The following IQCJ variants were observed in gnomAD, a reference collection of about 807,000 sequenced individuals.
IQCJ encodes the protein IQ domain-containing protein J.
In IQCJ, 9 loss-of-function variants were observed where a neutral mutation model predicts 11.0. The observed-to-expected ratio is 0.82, with a 90% confidence interval of 0.49 to 1.43. The LOEUF (loss-of-function observed/expected upper bound fraction) is 1.43, where lower values mean the gene tolerates loss of function less well. Ranked by LOEUF, IQCJ falls within the 40% of genes most tolerant of loss-of-function variation. The probability of loss-of-function intolerance (pLI) is 0.00; values close to 1 mark genes in which losing one functional copy is unlikely to be tolerated. For missense variants in IQCJ, 146 were observed against 133.2 expected (o/e 1.10, Z -0.47); for synonymous variants, 55 against 51.3 (o/e 1.07, Z -0.31).
chr3:159,107,089 A>C (rs1016722399), intron 1 of IQCJ, among the ~76,000 whole-genome samples: 1 of 152,008 alleles, frequency 6.6e-6, no homozygotes, highest in Admixed American at 6.6e-5. Flanking sequence ...TTTCTTTCTC[A>C]AGTAAAACTC....
intron 1 of IQCJ, among the ~76,000 whole-genome samples, chr3:159,087,012 G>C (rs1290203351): frequency 2.0e-5 from 3 of 152,200 alleles, no homozygotes; most frequent in Non-Finnish European, 2.9e-5. Context: ...CACAGGGAAT[G>C]CTTCCAGGTT....
At chr3:159,209,290 G>A (rs1724820059) in intron 1 of IQCJ, among the ~76,000 whole-genome samples, 1 of 152,192 alleles carries the variant, frequency 6.6e-6, no homozygotes, top group East Asian at 1.9e-4. Context: ...CAACTTTGGT[G>A]AGGAACCCAG....
chr3:159,169,306 G>A (rs1345098871), intron 1 of IQCJ, among the ~76,000 whole-genome samples: 1 of 53,942 alleles, frequency 1.9e-5, no homozygotes, highest in East Asian at 5.3e-4. Flanking sequence ...TTTTTTTGAT[G>A]GAGTTTTTGC....
At chr3:159,161,734 C>A (rs529875861) in intron 1 of IQCJ, among the ~76,000 whole-genome samples, 5 of 152,320 alleles carry the variant, frequency 3.3e-5, no homozygotes, top group African/African-American at 1.2e-4. Context: ...GATCCAGTTT[C>A]AGCTTTCTAC....
intron 1 of IQCJ, among the ~76,000 whole-genome samples, chr3:159,091,926 T>A (rs1416093893): frequency 1.3e-5 from 2 of 151,644 alleles, no homozygotes; most frequent in Non-Finnish European, 2.9e-5. Context: ...AATAATAGAA[T>A]TAGATAATAA....
chr3:159,201,703 C>G (rs997757462), intron 1 of IQCJ, among the ~76,000 whole-genome samples: 82 of 130,118 alleles, frequency 6.3e-4, no homozygotes, highest in African/African-American at 2.1e-3. Context: ...GGCGGGATCT[C>G]GGCTCACTGC....
chr3:159,235,279 G>A (rs1053223740), intron 1 of IQCJ, among the ~76,000 whole-genome samples: 7 of 152,160 alleles, frequency 4.6e-5, no homozygotes, highest in Non-Finnish European at 4.4e-5. Context: ...ATTGAGCAAA[G>A]AGACCACTTA....
chr3:159,215,503 A>G (rs533626102), intron 1 of IQCJ, among the ~76,000 whole-genome samples: 3 of 152,302 alleles, frequency 2.0e-5, no homozygotes, highest in South Asian at 2.1e-4. Flanking sequence ...ATACAGATTT[A>G]AAAACCAACA....
intron 1 of IQCJ, among the ~76,000 whole-genome samples, chr3:159,234,337 T>C (rs147118753): frequency 1.5e-3 from 225 of 152,320 alleles, no homozygotes; most frequent in Admixed American, 4.8e-3. Context: ...TGACATAGAA[T>C]TAGTTGCAGA....
At chr3:159,087,738 T>A (rs1031100701) in intron 1 of IQCJ, among the ~76,000 whole-genome samples, 4 of 149,866 alleles carry the variant, frequency 2.7e-5, no homozygotes, top group Non-Finnish European at 5.9e-5. Context: ...GATGGTAGTT[T>A]GTATTTCTGT....
chr3:159,228,262 G>A (rs1428870453), intron 1 of IQCJ, among the ~76,000 whole-genome samples: 2 of 152,136 alleles, frequency 1.3e-5, no homozygotes. Context: ...TCCTCTTTGG[G>A]ATGTAGGCTT....
downstream of IQCJ, chr3:159,265,083 A>T (rs941675660): frequency 3.1e-6 from 2 of 638,062 alleles, no homozygotes; most frequent in Non-Finnish European, 5.4e-6. Context: ...AAAATATAAG[A>T]TGTTGGGATG....
chr3:159,201,881 T>C (rs903293195), intron 1 of IQCJ, among the ~76,000 whole-genome samples: 1 of 152,160 alleles, frequency 6.6e-6, no homozygotes, highest in Admixed American at 6.5e-5. Flanking sequence ...ATTGGGCACT[T>C]TGGTGCTAGG....
chr3:159,116,931 A>G (rs1443280686), intron 1 of IQCJ, among the ~76,000 whole-genome samples: 1 of 151,990 alleles, frequency 6.6e-6, no homozygotes, highest in Non-Finnish European at 1.5e-5. Flanking sequence ...AAGAATGAGC[A>G]GAAGTAGGAG....
intron 1 of IQCJ, among the ~76,000 whole-genome samples, chr3:159,096,506 G>A (rs1344377836): frequency 1.9e-5 from 2 of 105,866 alleles, no homozygotes; most frequent in Non-Finnish European, 3.7e-5. Flanking sequence ...TAGGTTTAAC[G>A]TTTAAATCTT....
chr3:159,161,479 T>C (rs1305452729), intron 1 of IQCJ, among the ~76,000 whole-genome samples: 3 of 152,196 alleles, frequency 2.0e-5, no homozygotes. Flanking sequence ...AATTTGTAGG[T>C]TGCCTGCTCA....
intron 1 of IQCJ, among the ~76,000 whole-genome samples, chr3:159,122,272 A>G (rs1017993491): frequency 2.6e-5 from 4 of 152,212 alleles, no homozygotes; most frequent in Non-Finnish European, 5.9e-5. Context: ...GGATTTCAGC[A>G]TTTAAGTTTA....
chr3:159,165,284 G>A (rs940207404), intron 1 of IQCJ, among the ~76,000 whole-genome samples: 3 of 152,200 alleles, frequency 2.0e-5, no homozygotes, highest in Non-Finnish European at 4.4e-5. Context: ...ATACTGTGAT[G>A]ATAGCACATA....
At chr3:159,200,349 T>C (rs937555332) in intron 1 of IQCJ, among the ~76,000 whole-genome samples, 2 of 151,952 alleles carry the variant, frequency 1.3e-5, no homozygotes. Flanking sequence ...CACCTTCTAG[T>C]GGTATGATCA....
Sources: gnomAD v4.1 joint callset for allele counts (sites outside exome capture counted in the v4.1 genomes callset) on GRCh38, gnomAD v4.1.1 for gene constraint, MANE v1.5 for transcripts, NCBI Gene and HGNC (gene_info 2026-07-23, HGNC 2026-07-21) for gene names.